PALM: variants seen among roughly 807,000 people sequenced by gnomAD.
PALM encodes paralemmin-1.
A neutral mutation model predicts 30.7 loss-of-function variants in PALM; 18 were observed. The ratio of observed to expected loss-of-function variants is 0.59; its 90% CI spans 0.41 to 0.87. The LOEUF (loss-of-function observed/expected upper bound fraction) is 0.87. Ranked by LOEUF, PALM falls within the 40% of genes least tolerant of loss-of-function variation. The pLI, the probability that PALM is intolerant of heterozygous loss-of-function variation, is 0.00. For synonymous variants in PALM, 286 were observed against 242.8 expected (o/e 1.18, Z -1.66); for missense variants, 529 against 555.4 (o/e 0.95, Z 0.48).
In PALM at chr19:726,985, ACCCC is replaced by A; in HGVS notation, c.58-22_58-19del. The A allele has an allele frequency of 1.1e-6, 1 of 945,364 alleles. No homozygotes were observed. The highest frequency in any genetic ancestry group is 1.6e-6 in the Non-Finnish European group (1 of 616,862). 58.6% of individuals were successfully genotyped at this position (945,364 alleles called of 1,614,324 possible). A position where few individuals can be genotyped will look rare whatever the true frequency, so the allele number is the denominator to read the frequency against. ...TCCGGGACCCCCACGCCCATCCCTG[ACCCC>A]ACCCGGCCCTCCCCACAGGAGAAGC... On this transcript the variant is annotated intron_variant, in intron 2 of 8. Coordinates refer to ENST00000338448, the MANE Select transcript of PALM (RefSeq NM_002579.3).
At position 727,475 on chromosome 19, in the gene PALM, G is replaced by A. The variant is rs73918192; in HGVS notation, c.139-89G>A. On this transcript the variant is annotated intron_variant, in intron 3 of 8. Coordinates refer to ENST00000338448, the MANE Select transcript of PALM (RefSeq NM_002579.3). Reference sequence around the variant, plus strand: ...CCAACCTTGGTCCTGCCTCAACCCCGACCCTGATCCTGACCCTGACCTCAG... The same window carrying A: ...CCAACCTTGGTCCTGCCTCAACCCCAACCCTGATCCTGACCCTGACCTCAG... The A allele has an allele frequency of 1.5e-3, 1,659 of 1,113,770 alleles. 13 individuals are homozygous for A. The African/African-American group carries it at 0.021, about 14-fold the overall frequency. 69.0% of individuals were successfully genotyped at this position (1,113,770 alleles called of 1,614,324 possible). A position where few individuals can be genotyped will look rare whatever the true frequency, so the allele number is the denominator to read the frequency against.
chr19:718,219 G>A (rs376252586), intron 1 of PALM, among the ~76,000 whole-genome samples: 9 of 152,186 alleles, frequency 5.9e-5, no homozygotes, highest in African/African-American at 1.4e-4. Context: ...AAAGTGATCC[G>A]GGTGGTGACA....
At chr19:726,967 C>A (rs1393021329) in intron 2 of PALM, 41 bp from the exon 3 acceptor site, 61 of 1,202,314 alleles carry the variant, frequency 5.1e-5, no homozygotes, top group African/African-American at 1.5e-5. Flanking sequence ...GTCTCCGGGA[C>A]CCCCACGCCC....
At chr19:745,850 G>T (rs2033322449) in intron 8 of PALM, among the ~76,000 whole-genome samples, 1 of 152,104 alleles carries the variant, frequency 6.6e-6, no homozygotes, top group Non-Finnish European at 1.5e-5. Flanking sequence ...CCTGAGGTCA[G>T]GAGTTCGAGA....
intron 2 of PALM, among the ~76,000 whole-genome samples, 177 bp from the exon 3 acceptor site, chr19:726,831 C>T (rs930102394): frequency 1.1e-4 from 16 of 152,264 alleles, no homozygotes; most frequent in Non-Finnish European, 2.2e-4. Flanking sequence ...CAGGGTCTTG[C>T]GCTGCTGTCC....
intron 1 of PALM, among the ~76,000 whole-genome samples, chr19:711,751 A>G (rs899499155): frequency 2.6e-5 from 4 of 152,126 alleles, no homozygotes; most frequent in Non-Finnish European, 5.9e-5. Flanking sequence ...GTGGTTTTGA[A>G]GGCAAGGAAT....
chr19:711,515 G>T (rs765903146), intron 1 of PALM, among the ~76,000 whole-genome samples: 3 of 152,156 alleles, frequency 2.0e-5, no homozygotes, highest in Non-Finnish European at 2.9e-5. Flanking sequence ...GGTCCTTAAC[G>T]CTCCTTCACA....
chr19:736,761 G>A (rs1291129308), intron 7 of PALM, among the ~76,000 whole-genome samples: 4 of 152,174 alleles, frequency 2.6e-5, no homozygotes, highest in Non-Finnish European at 5.9e-5. Flanking sequence ...ACAGAAAGAA[G>A]GCAGAGGGCC....
At chr19:735,871 T>TGTGTCTGG in intron 6 of PALM, 148 bp from the exon 7 acceptor site, 1 of 641,522 alleles carries the variant, frequency 1.6e-6, no homozygotes, top group African/African-American at 1.9e-5. Flanking sequence ...CCCAGGTTCC[T>TGTGTCTGG]GTGTCTGGGT....
At position 747,373 on chromosome 19, in the gene PALM, T is replaced by C. The variant is rs2033380551; in HGVS notation, c.*559T>C. 1 of 155,172 alleles carries C rather than the reference T, an allele frequency of 6.4e-6. No homozygotes were observed. Among genetic ancestry groups the C allele is most frequent in the African/African-American group, 2.4e-5 (1 of 41,468 alleles). 9.6% of individuals were successfully genotyped at this position (155,172 alleles called of 1,614,324 possible). On this transcript the variant is annotated 3_prime_UTR_variant, in exon 9 of 9. Transcript: ENST00000338448. ...GTGCCTCTTTGGGGGCTAAAGGTCT[T>C]GGGTGGAGGACAGGCCCCTCTGCTG...
chr19:724,777 T>G (rs2032606799), intron 1 of PALM, among the ~76,000 whole-genome samples: 1 of 151,910 alleles, frequency 6.6e-6, no homozygotes, highest in Non-Finnish European at 1.5e-5. Flanking sequence ...CCACCACACC[T>G]TGATAATATT....
chr19:720,633 TGACTGCGGGGGCCAGGGGG>T (rs2032444887), intron 1 of PALM, among the ~76,000 whole-genome samples: 1 of 88,602 alleles, frequency 1.1e-5, no homozygotes, highest in Non-Finnish European at 2.2e-5. Context: ...GGGGCGCCCG[TGACTGCGGGGGCCAGGGGG>T]GCGCGTCCTG....
rs150262285 is a variant in PALM, at chr19:746,742, C to G, written c.1092C>G (p.Pro364=). 2 of 1,600,682 alleles carry G rather than the reference C, an allele frequency of 1.2e-6. No homozygotes were observed. Among genetic ancestry groups the G allele is most frequent in the Non-Finnish European group, 1.7e-6 (2 of 1,175,898 alleles). The change falls in exon 9 of 9, where the codon CCC becomes CCG. Residue 364 remains proline (P), a synonymous_variant. Coordinates refer to ENST00000338448, the MANE Select transcript of PALM (RefSeq NM_002579.3). The surrounding 1 kb of genome is among the most constrained non-coding windows in gnomAD (Gnocchi z 7.1). The part of the protein sequence containing the change: ...AASREENQAG[P]EATTSDPQDL... ...CCAGGGAAGAGAATCAGGCGGGGCC[C>G]GAGGCCACCACCAGCGACCCCCAGG...
rs754015014 is a variant in PALM at position 746,718 on chromosome 19, C to G, written c.1068C>G (p.Ser356=). The part of the protein sequence containing the change: ...SAAEPPTEAA[S]REENQAGPEA... ...CCGAGCCTCCCACGGAGGCCGCCTC[C>G]AGGGAAGAGAATCAGGCGGGGCCCG... is the stretch of plus-strand genomic sequence containing the variant. The change falls in exon 9 of 9, where the codon TCC becomes TCG. Residue 356 remains serine (S), a synonymous_variant. Coordinates refer to ENST00000338448, the MANE Select transcript of PALM (RefSeq NM_002579.3). The surrounding 1 kb of genome is among the most constrained non-coding windows in gnomAD (Gnocchi z 7.1). 5.6e-6 allele frequency: 9 copies of G among 1,606,860 alleles called. No individual in the cohort carries two copies. The Admixed American group carries it at 1.5e-4, about 27-fold the overall frequency.
chr19:740,383 G>A lies in PALM; in HGVS notation c.534G>A (p.Lys178=). 1 of 1,563,900 alleles carries A rather than the reference G, an allele frequency of 6.4e-7. No homozygotes were observed. Among genetic ancestry groups the A allele is most frequent in the Non-Finnish European group, 8.7e-7 (1 of 1,153,816 alleles). ...ACTCGGTTGAGATCACTGTGGAGAA[G>A]GACAAGGTGACAGGGGAGACCAGGG... is the stretch of plus-strand genomic sequence containing the variant. ...AMYSVEITVE[K]DKVTGETRVL... is the part of the protein sequence containing the mutation. The change falls in exon 8 of 9, where the codon AAG becomes AAA. Residue 178 remains lysine, a synonymous_variant. Coordinates refer to ENST00000338448, the MANE Select transcript of PALM (RefSeq NM_002579.3).
rs2033364554 is a variant in PALM at position 746,871 on chromosome 19, C to A, written c.*57C>A. ...CACCACAGACACCCACCAGCCCGGC[C>A]CCTCCCGGCGCCTGCCCACCCTCCA... is the stretch of plus-strand genomic sequence containing the variant. On this transcript the variant is annotated 3_prime_UTR_variant, in exon 9 of 9. Transcript: ENST00000338448. The surrounding 1 kb of genome is among the most constrained non-coding windows in gnomAD (Gnocchi z 7.1). 8.9e-7 allele frequency: 1 copy of A among 1,118,396 alleles called. No homozygotes were observed. The highest frequency in any genetic ancestry group is 1.6e-5 in the African/African-American group (1 of 63,778). The allele number at this position is 1,118,396 out of a possible 1,614,324, so 69.3% of individuals were successfully genotyped here.
At position 740,492 on chromosome 19, in the gene PALM, A is replaced by G. The variant is rs773659099; in HGVS notation, c.634+9A>G. The stretch of plus-strand genomic sequence containing the variant: ...CGAGGACGAGACCAAAGGTACGAGC[A>G]CCCCGGCCCCTGCCCTCCCTCCACC... On this transcript the variant is annotated intron_variant, in intron 8 of 8. Transcript: ENST00000338448. The G allele has an allele frequency of 1.3e-5, 20 of 1,547,694 alleles. No individual in the cohort carries two copies. In the South Asian group the frequency reaches 1.4e-4, roughly 11 times the overall value.
At chr19:720,019 G>A (rs1409247312) in intron 1 of PALM, among the ~76,000 whole-genome samples, 6 of 151,908 alleles carry the variant, frequency 3.9e-5, no homozygotes, top group African/African-American at 2.4e-5. Context: ...CCTCCCGGAT[G>A]GAAGCCCCTT....
At position 712,680 on chromosome 19, in the gene PALM, G is replaced by T. The variant is rs542549722; in HGVS notation, c.5+3529G>T. On this transcript the variant is annotated intron_variant, in intron 1 of 8. Coordinates refer to ENST00000338448, the MANE Select transcript of PALM (RefSeq NM_002579.3). ...TTACAGGTGTGAGCCGCCATGCCTG[G>T]TTTTTTTTTATTGGAGACAGAGTCT... is the stretch of plus-strand genomic sequence containing the variant. Among the ~76,000 whole-genome samples the T allele has an allele frequency of 1.9e-3, 289 of 148,962 alleles. 1 individual carries two copies. The highest frequency in any genetic ancestry group is 6.4e-3 in the African/African-American group (257 of 40,468).
Sources: gnomAD v4.1 joint callset for allele counts (sites outside exome capture counted in the v4.1 genomes callset) on GRCh38, gnomAD v4.1.1 for gene constraint, Gnocchi (gnomAD v3.1) non-coding constraint, MANE v1.5 for transcripts, NCBI Gene and HGNC (gene_info 2026-07-23, HGNC 2026-07-21) for gene names.